ARHGEF9: variants seen among roughly 807,000 people sequenced by gnomAD.
ARHGEF9 encodes the protein Cdc42 guanine nucleotide exchange factor 9, also known as rho guanine nucleotide exchange factor 9.
In ARHGEF9, 2 loss-of-function variants were observed where a neutral mutation model predicts 41.3. The observed-to-expected ratio is 0.05, with a 90% confidence interval of 0.02 to 0.15. ARHGEF9 has a LOEUF of 0.15. Among genes scored for constraint, ARHGEF9 ranks in the 10% least tolerant of loss-of-function variants. The pLI is 1.00. For synonymous variants in ARHGEF9, 160 were observed against 154.4 expected, an observed-to-expected ratio of 1.04 and a Z score of -0.27; for missense variants, 225 against 424.7, an observed-to-expected ratio of 0.53 and a Z score of 4.13.
chrX:63,777,905 A>G (rs1411174395), intron 1 of ARHGEF9, among the ~76,000 whole-genome samples: 3 of 112,602 alleles, frequency 2.7e-5, no homozygotes, highest in Admixed American at 9.3e-5. Flanking sequence ...GGCTGCCTTC[A>G]TGGCTGGCAT....
At chrX:63,684,797 G>A (rs1376690006) in intron 4 of ARHGEF9, among the ~76,000 whole-genome samples, 2 of 110,010 alleles carry the variant, frequency 1.8e-5, no homozygotes, top group Non-Finnish European at 3.8e-5. Context: ...AAAAGAAGGA[G>A]GGAAGGAGAT....
intron 6 of ARHGEF9, among the ~76,000 whole-genome samples, chrX:63,668,234 A>T (rs1401312197): frequency 9.1e-6 from 1 of 110,488 alleles, no homozygotes; most frequent in Non-Finnish European, 1.9e-5. Context: ...CCTGGCCTCA[A>T]GCGATACTTG....
chrX:63,650,982 A>T (rs1214014775), intron 8 of ARHGEF9, among the ~76,000 whole-genome samples: 1 of 110,907 alleles, frequency 9.0e-6, no homozygotes, highest in African/African-American at 3.3e-5. Flanking sequence ...TCCCAGAAAA[A>T]TAGAAATTAT....
chrX:63,710,474 G>T (rs2052862281), intron 2 of ARHGEF9, among the ~76,000 whole-genome samples: 1 of 109,918 alleles, frequency 9.1e-6, no homozygotes, highest in African/African-American at 3.3e-5. Flanking sequence ...AAAACAAATT[G>T]CCCACCTTAC....
intron 9 of ARHGEF9, chrX:63,642,571 C>T (rs1180920427): frequency 1.8e-5 from 2 of 111,843 alleles, no homozygotes; most frequent in African/African-American, 6.5e-5. Flanking sequence ...GGAGGCATGT[C>T]TAGTCAGCGG....
At position 63,636,678 on chromosome X, in the gene ARHGEF9, G is replaced by T. The variant is rs1602140020; in HGVS notation, c.*1350C>A. On this transcript the variant is annotated 3_prime_UTR_variant, in exon 10 of 10. Transcript: ENST00000671741. Reference sequence around the variant, plus strand: ...GGAAAGAAAGAAGCCAGGGAAGATTGTCCATGCAATCTGTTAACAATGGGA... The same window carrying T: ...GGAAAGAAAGAAGCCAGGGAAGATTTTCCATGCAATCTGTTAACAATGGGA... 3.5e-6 allele frequency: 1 copy of T among 286,292 alleles called. No individual in the cohort carries two copies. The highest frequency in any genetic ancestry group is 2.4e-4 in the South Asian group (1 of 4,104). 23.6% of individuals were successfully genotyped at this position (286,292 alleles called of 1,213,427 possible). A position where few individuals can be genotyped will look rare whatever the true frequency, so the allele number is the denominator to read the frequency against.
At chrX:63,702,637 C>A (rs2147484621) in intron 3 of ARHGEF9, among the ~76,000 whole-genome samples, 1 of 111,990 alleles carries the variant, frequency 8.9e-6, no homozygotes, top group East Asian at 2.8e-4. Context: ...CCCCTTTCCC[C>A]TTCAACAAGT....
intron 1 of ARHGEF9, among the ~76,000 whole-genome samples, chrX:63,739,944 G>T (rs1381748903): frequency 8.9e-6 from 1 of 111,782 alleles, no homozygotes; most frequent in Non-Finnish European, 1.9e-5. Flanking sequence ...GCAGCAGGGG[G>T]AAACTTGAAC....
At chrX:63,785,008 G>A in intron 1 of ARHGEF9, 108 bp downstream of exon 1, 2 of 980,855 alleles carry the variant, frequency 2.0e-6, no homozygotes, top group Non-Finnish European at 1.4e-6. Context: ...CTAGGGCGGT[G>A]GGCAGAGGCC....
intron 1 of ARHGEF9, among the ~76,000 whole-genome samples, chrX:63,771,532 C>G (rs190389712): frequency 1.3e-4 from 14 of 110,740 alleles, no homozygotes; most frequent in African/African-American, 4.3e-4. Context: ...GGCAGAATAC[C>G]CTGCATAATG....
intron 3 of ARHGEF9, among the ~76,000 whole-genome samples, chrX:63,702,380 T>C (rs782096694): frequency 8.0e-5 from 9 of 112,267 alleles, no homozygotes; most frequent in Non-Finnish European, 1.5e-4. Context: ...AAACTGAAGG[T>C]ATTTTATACC....
chrX:63,665,004 C>T (rs782572933), intron 7 of ARHGEF9, among the ~76,000 whole-genome samples: 2 of 112,215 alleles, frequency 1.8e-5, no homozygotes, highest in Non-Finnish European at 3.8e-5. Context: ...GACAAAGGGA[C>T]TAGATGATGG....
chrX:63,668,559 C>G (rs1490360217), intron 6 of ARHGEF9, among the ~76,000 whole-genome samples: 1 of 112,256 alleles, frequency 8.9e-6, no homozygotes, highest in Non-Finnish European at 1.9e-5. Context: ...CTCTCTATAA[C>G]TCAGTTGCCT....
intron 1 of ARHGEF9, among the ~76,000 whole-genome samples, chrX:63,739,157 C>T (rs2054794531): frequency 8.9e-6 from 1 of 111,767 alleles, no homozygotes; most frequent in African/African-American, 3.3e-5. Context: ...TTCAGCCAAC[C>T]CCTTAGGCAG....
At chrX:63,712,858 C>A (rs2053033569) in intron 2 of ARHGEF9, 1 of 111,606 alleles carries the variant, frequency 9.0e-6, no homozygotes, top group Non-Finnish European at 1.9e-5. Context: ...TCCTTGTCAA[C>A]CTCTCTCCTT....
At chrX:63,778,047 C>G (rs1187395957) in intron 1 of ARHGEF9, among the ~76,000 whole-genome samples, 3 of 112,854 alleles carry the variant, frequency 2.7e-5, no homozygotes, top group Non-Finnish European at 5.6e-5. Context: ...GTGGGAGCTC[C>G]AACCCCACAT....
At chrX:63,644,088 C>A (rs373695650) in intron 8 of ARHGEF9, 40 bp from the exon 9 acceptor site, 137 of 1,046,261 alleles carry the variant, frequency 1.3e-4, no homozygotes, top group Non-Finnish European at 1.7e-4. Context: ...ATGAGAAACA[C>A]ACACCCTTAC....
intron 1 of ARHGEF9, among the ~76,000 whole-genome samples, chrX:63,733,123 A>C (rs1346478137): frequency 8.9e-6 from 1 of 112,430 alleles, no homozygotes; most frequent in Non-Finnish European, 1.9e-5. Context: ...CATAAGCTTA[A>C]TCCATAATGA....
At chrX:63,735,997 A>G (rs2054598444) in intron 1 of ARHGEF9, among the ~76,000 whole-genome samples, 2 of 112,089 alleles carry the variant, frequency 1.8e-5, no homozygotes, top group African/African-American at 6.5e-5. Context: ...ATGCTCAGGA[A>G]TGGACTATGT....
Sources: allele counts gnomAD v4.1 joint callset (sites outside exome capture counted in the v4.1 genomes callset), GRCh38; gene constraint gnomAD v4.1.1; transcripts MANE v1.5; gene names NCBI Gene and HGNC (gene_info 2026-07-23, HGNC 2026-07-21).